HDGFL3: variants seen among roughly 807,000 people sequenced by gnomAD.
HDGFL3 encodes HDGF like 3.
A neutral mutation model predicts 27.6 loss-of-function variants in HDGFL3; 6 were observed. The ratio of observed to expected loss-of-function variants is 0.22; its 90% confidence interval spans 0.12 to 0.43. The LOEUF (loss-of-function observed/expected upper bound fraction) is 0.43. Among genes scored for constraint, HDGFL3 ranks in the 20% least tolerant of loss-of-function variants. The pLI is 1.00. For synonymous variants in HDGFL3, 88 were observed against 88.9 expected (o/e 0.99, Z 0.05); for missense variants, 207 against 250.1 (o/e 0.83, Z 1.16).
At chr15:83,174,034 G>C (rs7182538) in intron 1 of HDGFL3, among the ~76,000 whole-genome samples, 1 of 152,162 alleles carries the variant, frequency 6.6e-6, no homozygotes, top group Non-Finnish European at 1.5e-5. Context: ...TTTCAGTCTA[G>C]AAACTTATTA....
intron 1 of HDGFL3, among the ~76,000 whole-genome samples, chr15:83,194,406 G>A (rs530522682): frequency 6.6e-6 from 1 of 152,290 alleles, no homozygotes; most frequent in East Asian, 1.9e-4. Context: ...AGGAGGCAGG[G>A]AATGTAGAGT....
intron 1 of HDGFL3, chr15:83,192,270 A>T (rs781351841): frequency 6.6e-6 from 3 of 455,428 alleles, no homozygotes; most frequent in Non-Finnish European, 1.3e-5. Context: ...AAGGATACAG[A>T]TATGAAGACA....
chr15:83,148,634 AT>A (rs1255377079), intron 5 of HDGFL3, among the ~76,000 whole-genome samples: 3 of 151,910 alleles, frequency 2.0e-5, no homozygotes, highest in Admixed American at 1.3e-4. Context: ...AAAAAAAAAA[AT>A]AATAATAATA....
At chr15:83,192,246 ACT>A (rs1479269056) in intron 1 of HDGFL3, 2 of 453,950 alleles carry the variant, frequency 4.4e-6, no homozygotes, top group Non-Finnish European at 8.8e-6. Flanking sequence ...CTGACCTGTA[ACT>A]CACCTCTTTC....
At chr15:83,164,101 A>T (rs139918342) in intron 1 of HDGFL3, 26 bp from the exon 2 acceptor site, 2 of 1,410,340 alleles carry the variant, frequency 1.4e-6, no homozygotes, top group South Asian at 2.5e-5. Flanking sequence ...TTAGTTACTG[A>T]GTGAGTGGTT....
intron 5 of HDGFL3, among the ~76,000 whole-genome samples, chr15:83,143,287 C>A (rs1485715769): frequency 3.3e-5 from 5 of 152,154 alleles, no homozygotes; most frequent in African/African-American, 1.2e-4. Context: ...GTTGAGATTA[C>A]AGGCCCCTTA....
intron 1 of HDGFL3, among the ~76,000 whole-genome samples, chr15:83,191,308 G>A (rs959110459): frequency 2.6e-5 from 4 of 152,006 alleles, no homozygotes; most frequent in African/African-American, 7.3e-5. Flanking sequence ...AATTAAACAC[G>A]CATTTATAAA....
chr15:83,165,650 C>T (rs1330809918), intron 1 of HDGFL3, among the ~76,000 whole-genome samples: 1 of 151,832 alleles, frequency 6.6e-6, no homozygotes, highest in Non-Finnish European at 1.5e-5. Flanking sequence ...AAAAAAGTAG[C>T]CAGACATGGT....
chr15:83,127,219 G>GTTT, downstream of HDGFL3: 1 of 733,712 alleles, frequency 1.4e-6, no homozygotes, highest in Non-Finnish European at 1.9e-6. Context: ...AAAAATAAAA[G>GTTT]TAAAAAAAAA....
intron 1 of HDGFL3, among the ~76,000 whole-genome samples, chr15:83,204,571 CTT>C (rs1176202517): frequency 1.3e-5 from 2 of 152,108 alleles, no homozygotes; most frequent in South Asian, 4.2e-4. Context: ...ATTTTTTAAA[CTT>C]ATCTATATAT....
intron 1 of HDGFL3, among the ~76,000 whole-genome samples, chr15:83,205,882 C>T (rs2037709566): frequency 6.6e-6 from 1 of 152,204 alleles, no homozygotes; most frequent in African/African-American, 2.4e-5. Flanking sequence ...TTTGCCTTAT[C>T]TTAAGGACAA....
At position 83,191,200 on chromosome 15, in the gene HDGFL3, AGG is replaced by A. The variant is rs200415980; in HGVS notation, c.84+16129_84+16130del. Among the ~76,000 whole-genome samples, 181 of 152,322 alleles carry A rather than the reference AGG, an allele frequency of 1.2e-3. 3 individuals are homozygous for A. The East Asian group carries it at 0.032, about 27-fold the overall frequency. On this transcript the variant is annotated intron_variant, in intron 1 of 5. Transcript: ENST00000299633. ...ACAATTCTGTGTGTTGATAACTGAT[AGG>A]ACAAGTCTCACCACCTTATTCTCCT...
chr15:83,131,355 G>A lies in HDGFL3; in HGVS notation c.*7915C>T, dbSNP rs1036219358. On this transcript the variant is annotated 3_prime_UTR_variant, in exon 6 of 6. Coordinates refer to ENST00000299633, the MANE Select transcript of HDGFL3 (RefSeq NM_016073.4). ...GGAAGAAATATTGAGTAGTGGCCAG[G>A]CGCAGTGGCTCACACATGTAACCCT... The A allele has an allele frequency of 7.9e-5, 12 of 152,170 alleles. No individual in the cohort carries two copies. Among genetic ancestry groups the A allele is most frequent in the Admixed American group, 5.2e-4 (8 of 15,266 alleles). The allele number at this position is 152,170 out of a possible 1,614,324, so 9.4% of individuals were successfully genotyped here.
At chr15:83,153,332 T>G (rs993224780) in intron 4 of HDGFL3, among the ~76,000 whole-genome samples, 1 of 152,160 alleles carries the variant, frequency 6.6e-6, no homozygotes, top group Non-Finnish European at 1.5e-5. Flanking sequence ...GCAGTTCTCA[T>G]AATAATGAAC....
At chr15:83,185,519 G>C (rs1007582647) in intron 1 of HDGFL3, among the ~76,000 whole-genome samples, 1 of 152,204 alleles carries the variant, frequency 6.6e-6, no homozygotes, top group East Asian at 1.9e-4. Flanking sequence ...CCATCAGCTA[G>C]AGACTGTGTG....
intron 2 of HDGFL3, among the ~76,000 whole-genome samples, chr15:83,162,913 C>G (rs1480179991): frequency 6.6e-6 from 1 of 152,202 alleles, no homozygotes; most frequent in Non-Finnish European, 1.5e-5. Context: ...CATATCCGTT[C>G]CTAGTGTGTC....
rs1390292279 is a variant in HDGFL3 at position 83,130,167 on chromosome 15, T to G, written c.*9103A>C. The G allele has an allele frequency of 3.9e-5, 6 of 152,046 alleles. No homozygotes were observed. The highest frequency in any genetic ancestry group is 1.5e-4 in the African/African-American group (6 of 41,368). The allele number at this position is 152,046 out of a possible 1,614,324, so 9.4% of individuals were successfully genotyped here. ...ACCTGGTCAAGTCTCAGGAGACAAATGGAAACAGCAGGAAAACCTAGGCAA... is the reference window on the plus strand; with the variant it reads ...ACCTGGTCAAGTCTCAGGAGACAAAGGGAAACAGCAGGAAAACCTAGGCAA... On this transcript the variant is annotated 3_prime_UTR_variant, in exon 6 of 6. Coordinates refer to ENST00000299633, the MANE Select transcript of HDGFL3 (RefSeq NM_016073.4).
intron 1 of HDGFL3, chr15:83,184,889 G>A (rs2037422133): frequency 6.6e-6 from 1 of 152,192 alleles, no homozygotes; most frequent in African/African-American, 2.4e-5. Flanking sequence ...CAAAGAATGT[G>A]GTAAAGACCC....
chr15:83,127,920 G>T lies in HDGFL3; in HGVS notation c.*11350C>A. 6.3e-6 allele frequency: 1 copy of T among 159,032 alleles called. No individual in the cohort carries two copies. Among genetic ancestry groups the T allele is most frequent in the Non-Finnish European group, 1.4e-5 (1 of 72,852 alleles). 9.9% of individuals were successfully genotyped at this position (159,032 alleles called of 1,614,324 possible). A position where few individuals can be genotyped will look rare whatever the true frequency, so the allele number is the denominator to read the frequency against. ...GGAAACTGGTTTAAAAAATGTTCTGGGCCTGTCATTTCATTCCTTTTCCGC... is the reference window on the plus strand; with the variant it reads ...GGAAACTGGTTTAAAAAATGTTCTGTGCCTGTCATTTCATTCCTTTTCCGC... On this transcript the variant is annotated 3_prime_UTR_variant, in exon 6 of 6. Transcript: ENST00000299633.
Sources: allele counts gnomAD v4.1 joint callset (sites outside exome capture counted in the v4.1 genomes callset), GRCh38; gene constraint gnomAD v4.1.1; transcripts MANE v1.5; gene names NCBI Gene and HGNC (gene_info 2026-07-23, HGNC 2026-07-21).